Variants in EML1 observed in about 807,000 individuals in gnomAD.
EML1 encodes echinoderm microtubule-associated protein-like 1.
In EML1, 27 loss-of-function variants were observed where a neutral mutation model predicts 110.4. The ratio of observed to expected loss-of-function variants is 0.24; its 90% CI spans 0.18 to 0.34. EML1 has a LOEUF of 0.34. Among genes scored for constraint, EML1 ranks in the 10% least tolerant of loss-of-function variants. The pLI, the probability that EML1 is intolerant of heterozygous loss-of-function variation, is 1.00. For missense variants in EML1, 741 were observed against 1,030.9 expected (o/e 0.72, Z 3.85); for synonymous variants, 344 against 385.8 (o/e 0.89, Z 1.27).
intron 1 of EML1, among the ~76,000 whole-genome samples, chr14:99,818,977 A>G (rs1339403496): frequency 6.6e-6 from 1 of 152,190 alleles, no homozygotes; most frequent in Non-Finnish European, 1.5e-5. Context: ...TTTTAGAGAC[A>G]GGGTCTCGCT....
At chr14:99,839,653 TA>T (rs1311433771) in intron 1 of EML1, among the ~76,000 whole-genome samples, 1 of 152,246 alleles carries the variant, frequency 6.6e-6, no homozygotes, top group Non-Finnish European at 1.5e-5. Flanking sequence ...GAAGTTCTTT[TA>T]ATCAATATTC....
chr14:99,939,233 A>T lies in EML1; in HGVS notation c.2228A>T (p.Asn743Ile), dbSNP rs773238153. 1 of 1,614,196 alleles carries T rather than the reference A, an allele frequency of 6.2e-7. No individual in the cohort carries two copies. Among genetic ancestry groups the T allele is most frequent in the East Asian group, 2.2e-5 (1 of 44,880 alleles). The change falls in exon 21 of 22, where the codon AAT becomes ATT. Residue 743 changes from asparagine to isoleucine, a missense_variant. By Grantham distance (149) the Asn-to-Ile change is moderately radical (BLOSUM62 -3). Coordinates refer to ENST00000262233, the MANE Select transcript of EML1 (RefSeq NM_004434.3). This position sits in a 1 kb window ranked among gnomAD's most constrained non-coding sequence, Gnocchi z 4.2. ...WPEGSDGTDI[N>I]AVCRAHEKKL... The stretch of plus-strand genomic sequence containing the variant: ...GAAGGCTCGGACGGAACCGACATCA[A>T]TGCCGTCTGTCGGGCCCATGAGAAG...
chr14:99,897,376 C>T, intron 7 of EML1, 82 bp downstream of exon 7: 1 of 1,393,246 alleles, frequency 7.2e-7, no homozygotes, highest in Admixed American at 2.6e-5. Flanking sequence ...CCAGACCATC[C>T]TGGGCAACAG....
chr14:99,894,563 A>T (rs952266154), intron 5 of EML1, 66 bp from the exon 6 acceptor site: 2 of 1,543,902 alleles, frequency 1.3e-6, no homozygotes, highest in Non-Finnish European at 1.7e-6. Flanking sequence ...TAGAGAGGAT[A>T]AAGCATTTGT....
At chr14:99,777,106 A>G (rs938173344) in intron 1 of EML1, among the ~76,000 whole-genome samples, 3 of 152,220 alleles carry the variant, frequency 2.0e-5, no homozygotes, top group African/African-American at 7.2e-5. Flanking sequence ...ACAGAAGAAG[A>G]CTCACAGCAA....
In EML1 at chr14:99,755,028, A is replaced by G. The variant is rs940779701; in HGVS notation, c.28+17168A>G. Among the ~76,000 whole-genome samples the G allele has an allele frequency of 2.0e-5, 3 of 152,372 alleles. No homozygotes were observed. In the South Asian group the frequency reaches 6.2e-4, roughly 32 times the overall value. On this transcript the variant is annotated intron_variant, in intron 1 of 10. Coordinates refer to the EML1 transcript ENST00000554479. The stretch of plus-strand genomic sequence containing the variant: ...TCTTTTCATGAGAAGGAGGCCCAGC[A>G]TCCTACACGGGGCAGGGAACAACAG...
intron 1 of EML1, among the ~76,000 whole-genome samples, chr14:99,825,831 T>G (rs1315774831): frequency 3.3e-5 from 5 of 152,200 alleles, no homozygotes; most frequent in Non-Finnish European, 7.3e-5. Flanking sequence ...GAGGTGAATA[T>G]GCTTGGAGAG....
At chr14:99,761,732 C>G (rs530106888) in intron 1 of EML1, among the ~76,000 whole-genome samples, 1 of 152,174 alleles carries the variant, frequency 6.6e-6, no homozygotes, top group East Asian at 1.9e-4. Flanking sequence ...CAAGACCAGC[C>G]TGGCCAACAT....
In EML1 at chr14:99,781,878, T is replaced by C. The variant is rs1024750272; in HGVS notation, c.-27+7865T>C. On this transcript the variant is annotated intron_variant, in intron 1 of 22. Transcript: ENST00000327921. The surrounding 1 kb of genome is among the most constrained non-coding windows in gnomAD (Gnocchi z 4.2). ...CCCAGACTCCTTGAGGCTGGAGGTATGCTCCCCCGCTTTTGACTTCTGGAC... is the reference window on the plus strand; with the variant it reads ...CCCAGACTCCTTGAGGCTGGAGGTACGCTCCCCCGCTTTTGACTTCTGGAC... Among the ~76,000 whole-genome samples, 1 of 152,208 alleles carries C rather than the reference T, an allele frequency of 6.6e-6. No homozygotes were observed. Among genetic ancestry groups the C allele is most frequent in the Non-Finnish European group, 1.5e-5 (1 of 68,030 alleles).
At chr14:99,792,186 G>C (rs1222084120), upstream of EML1, among the ~76,000 whole-genome samples, 1 of 152,172 alleles carries the variant, frequency 6.6e-6, no homozygotes, top group East Asian at 1.9e-4. Context: ...GCTTCTGGAA[G>C]GACAGGCCTC....
chr14:99,806,703 A>T (rs780232779), intron 1 of EML1, among the ~76,000 whole-genome samples: 7 of 152,164 alleles, frequency 4.6e-5, no homozygotes, highest in Non-Finnish European at 1.0e-4. Flanking sequence ...AGTGCCAAGT[A>T]TGAGGAGACA....
intron 1 of EML1, among the ~76,000 whole-genome samples, chr14:99,786,499 C>T (rs1438936856): frequency 1.3e-5 from 2 of 152,148 alleles, no homozygotes; most frequent in Non-Finnish European, 2.9e-5. Flanking sequence ...CACAAGTTCC[C>T]ACAAGGCAAA....
At chr14:99,869,898 C>G (rs73358473) in intron 3 of EML1, among the ~76,000 whole-genome samples, 2,123 of 152,278 alleles carry the variant, frequency 0.014, 43 homozygotes, top group African/African-American at 0.049. Flanking sequence ...TTGAAAACTC[C>G]CTGAGGCCGC....
intron 2 of EML1, among the ~76,000 whole-genome samples, chr14:99,856,229 G>A (rs370712999): frequency 2.0e-4 from 31 of 152,314 alleles, no homozygotes; most frequent in African/African-American, 7.2e-4. Flanking sequence ...CATCTGCATT[G>A]CCTCACTGTG....
chr14:99,921,583 C>T (rs1038165470), intron 17 of EML1, among the ~76,000 whole-genome samples: 3 of 152,146 alleles, frequency 2.0e-5, no homozygotes, highest in African/African-American at 4.8e-5. Context: ...TGTACTCATC[C>T]GCCAGCTTCA....
At position 99,827,807 on chromosome 14, in the gene EML1, A is replaced by T. The variant is rs117656421; in HGVS notation, c.68-23046A>T. Among the ~76,000 whole-genome samples, 3,982 of 152,240 alleles carry T rather than the reference A, an allele frequency of 0.026. 84 individuals carry two copies. The highest frequency in any genetic ancestry group is 0.041 in the Non-Finnish European group (2,784 of 68,000). On this transcript the variant is annotated intron_variant, in intron 1 of 21. Coordinates refer to ENST00000262233, the MANE Select transcript of EML1 (RefSeq NM_004434.3). This position sits in a 1 kb window ranked among gnomAD's most constrained non-coding sequence, Gnocchi z 4.4. ...TTGTTTAAGCCCCCCAGTCTGTAGT[A>T]CTTTGTTATGGCAGCCCTAGCAAGC...
chr14:99,796,300 T>G (rs2057773956), intron 1 of EML1, among the ~76,000 whole-genome samples: 1 of 151,930 alleles, frequency 6.6e-6, no homozygotes, highest in African/African-American at 2.4e-5. Context: ...CTGTCTTCTC[T>G]TATACTTCTT....
intron 1 of EML1, among the ~76,000 whole-genome samples, chr14:99,821,161 C>T (rs574319060): frequency 1.3e-5 from 2 of 151,860 alleles, no homozygotes; most frequent in East Asian, 1.9e-4. Context: ...TGGCTAGGAC[C>T]GTAGGCATGT....
At chr14:99,829,637 G>A (rs917811786) in intron 1 of EML1, among the ~76,000 whole-genome samples, 2 of 151,972 alleles carry the variant, frequency 1.3e-5, no homozygotes, top group African/African-American at 4.8e-5. Flanking sequence ...CATCCCTCCC[G>A]CCTCCCAGCC....
Sources: allele counts gnomAD v4.1 joint callset (sites outside exome capture counted in the v4.1 genomes callset), GRCh38; gene constraint gnomAD v4.1.1; non-coding constraint Gnocchi (gnomAD v3.1); transcripts MANE v1.5; gene names NCBI Gene and HGNC (gene_info 2026-07-23, HGNC 2026-07-21).